SYN3: variants seen among roughly 807,000 people sequenced by gnomAD.
SYN3 encodes synapsin III.
SYN3 carries 35 observed loss-of-function variants against 65.8 expected under a neutral mutation model. The observed-to-expected ratio is 0.53, with a 90% CI of 0.41 to 0.70. SYN3 has a LOEUF of 0.70. SYN3 is among the 30% of genes least tolerant of loss of function. The pLI is 0.00. For missense variants in SYN3, 680 were observed against 749.0 expected, an observed-to-expected ratio of 0.91 and a Z score of 1.08; for synonymous variants, 270 against 292.9, an observed-to-expected ratio of 0.92 and a Z score of 0.80.
intron 7 of SYN3, among the ~76,000 whole-genome samples, chr22:32,554,473 T>G (rs2058462456): frequency 6.6e-6 from 1 of 152,204 alleles, no homozygotes; most frequent in Admixed American, 6.5e-5. Flanking sequence ...CTCATAAGAC[T>G]AGGAACCTTC....
chr22:32,803,957 G>A (rs1291569605), intron 6 of SYN3, among the ~76,000 whole-genome samples: 1 of 152,146 alleles, frequency 6.6e-6, no homozygotes, highest in Non-Finnish European at 1.5e-5. Context: ...AGTAGATCCT[G>A]CTTCCAATGG....
intron 2 of SYN3, among the ~76,000 whole-genome samples, chr22:32,990,543 C>T (rs1601855517): frequency 6.6e-6 from 1 of 152,280 alleles, no homozygotes; most frequent in Non-Finnish European, 1.5e-5. Context: ...ACTATATTCT[C>T]AGCACTGTGC....
chr22:32,918,727 G>A (rs1333071951), intron 4 of SYN3, among the ~76,000 whole-genome samples: 1 of 152,164 alleles, frequency 6.6e-6, no homozygotes, highest in African/African-American at 2.4e-5. Flanking sequence ...CTGCAGAAAT[G>A]TTTCAGGAAG....
At chr22:32,954,383 C>G (rs917205185) in intron 3 of SYN3, among the ~76,000 whole-genome samples, 1 of 152,000 alleles carries the variant, frequency 6.6e-6, no homozygotes, top group Non-Finnish European at 1.5e-5. Flanking sequence ...ATTTTGCTAA[C>G]TGCAATGAAT....
intron 4 of SYN3, among the ~76,000 whole-genome samples, chr22:32,906,574 T>C (rs1018239180): frequency 7.2e-5 from 11 of 152,138 alleles, no homozygotes; most frequent in Non-Finnish European, 1.2e-4. Context: ...TGTGCCATAG[T>C]GGTTTGCTGC....
At chr22:32,622,603 T>TC (rs1287746778) in intron 6 of SYN3, among the ~76,000 whole-genome samples, 2 of 151,912 alleles carry the variant, frequency 1.3e-5, no homozygotes, top group African/African-American at 4.8e-5. Flanking sequence ...CAGCCACACT[T>TC]CGGTTAACAT....
At chr22:32,829,526 C>A (rs77183587) in intron 6 of SYN3, among the ~76,000 whole-genome samples, 1,686 of 152,320 alleles carry the variant, frequency 0.011, 31 homozygotes, top group African/African-American at 0.038. Context: ...AGCCAGCATC[C>A]CCACCGCAGC....
Position 32,729,099 on chromosome 22 carries a change from G to GT in SYN3, c.712-132364dup, listed in dbSNP as rs1022099785. ...TTTTTAGTTCTGAACTCTGTCTGAA[G>GT]TTGTTTTACTCATTTATTCAGCTAT... On this transcript the variant is annotated intron_variant, in intron 6 of 13. Coordinates refer to ENST00000358763, the MANE Select transcript of SYN3 (RefSeq NM_003490.4). Among the ~76,000 whole-genome samples the GT allele has an allele frequency of 6.6e-4, 100 of 152,298 alleles. 1 individual carries two copies. Among genetic ancestry groups the GT allele is most frequent in the African/African-American group, 2.2e-3 (93 of 41,562 alleles).
chr22:32,698,222 T>G (rs959962189), intron 6 of SYN3, among the ~76,000 whole-genome samples: 1 of 152,042 alleles, frequency 6.6e-6, no homozygotes, highest in Non-Finnish European at 1.5e-5. Context: ...TCAGAAAAAA[T>G]TCACACAGTA....
In SYN3 at chr22:32,671,310, A is replaced by G. The variant is rs1050165663; in HGVS notation, c.712-74574T>C. On this transcript the variant is annotated intron_variant, in intron 6 of 13. Coordinates refer to ENST00000358763, the MANE Select transcript of SYN3 (RefSeq NM_003490.4). The stretch of plus-strand genomic sequence containing the variant: ...CATGCTCACAGACACGCACACATTC[A>G]CACACCTCCTGTCACATACACACAC... Among the ~76,000 whole-genome samples, 779 of 151,744 alleles carry G rather than the reference A, an allele frequency of 5.1e-3. 10 individuals are homozygous for G. The highest frequency in any genetic ancestry group is 0.017 in the African/African-American group (718 of 41,280).
intron 6 of SYN3, among the ~76,000 whole-genome samples, chr22:32,627,635 A>C (rs2059686997): frequency 6.6e-6 from 1 of 152,076 alleles, no homozygotes; most frequent in South Asian, 2.1e-4. Context: ...TAGGAGTATG[A>C]AGCTTTCATG....
At position 32,516,088 on chromosome 22, in the gene SYN3, G is replaced by A. The variant is rs189787607; in HGVS notation, c.1610+1955C>T. Reference sequence around the variant, plus strand: ...GTTGGGATTACAGGCATGAGCCATCGCATCCAGCCCAGGATTTATTATTAA... The same window carrying A: ...GTTGGGATTACAGGCATGAGCCATCACATCCAGCCCAGGATTTATTATTAA... On this transcript the variant is annotated intron_variant, in intron 13 of 13. Transcript: ENST00000358763. 5.0e-3 allele frequency among the ~76,000 whole-genome samples: 759 copies of A among 151,924 alleles called. 3 individuals are homozygous for A. The highest frequency in any genetic ancestry group is 0.015 in the South Asian group (70 of 4,788).
intron 2 of SYN3, among the ~76,000 whole-genome samples, chr22:32,985,419 G>A (rs998017451): frequency 6.6e-6 from 1 of 152,178 alleles, no homozygotes; most frequent in African/African-American, 2.4e-5. Flanking sequence ...TGCAAGGAGT[G>A]ATGGCTGGTG....
chr22:32,508,982 A>C lies in SYN3; in HGVS notation c.*4710T>G, dbSNP rs1488085451. 6.6e-6 allele frequency among the ~76,000 whole-genome samples: 1 copy of C among 152,202 alleles called. No individual in the cohort carries two copies. The highest frequency in any genetic ancestry group is 2.4e-5 in the African/African-American group (1 of 41,446). On this transcript the variant is annotated 3_prime_UTR_variant, in exon 14 of 14. Coordinates refer to ENST00000358763, the MANE Select transcript of SYN3 (RefSeq NM_003490.4). ...CTTAAATTTTGGAAAGATAGAATTG[A>C]GTGTTAGTTCTATCTTGAATGTATC...
intron 8 of SYN3, among the ~76,000 whole-genome samples, chr22:32,540,576 G>A (rs147312971): frequency 6.6e-6 from 1 of 152,304 alleles, no homozygotes; most frequent in East Asian, 1.9e-4. Context: ...TCCCAAGAAC[G>A]AGACAGTCTG....
chr22:32,988,551 GCT>G (rs1180241992), intron 2 of SYN3, among the ~76,000 whole-genome samples: 1 of 152,012 alleles, frequency 6.6e-6, no homozygotes, highest in Non-Finnish European at 1.5e-5. Flanking sequence ...AACATAGCTA[GCT>G]CTTGGTCTCA....
chr22:32,692,055 TTGCAGGAAAAAGTGATGTTACTCTAGAGC>T (rs1255498845), intron 6 of SYN3, among the ~76,000 whole-genome samples: 2 of 150,178 alleles, frequency 1.3e-5, no homozygotes, highest in Admixed American at 1.3e-4. Flanking sequence ...ATTGGTAGCC[TTGCAGGAAAAAGTGATGTTACTCTAGAGC>T]TGCTGTGGTC....
intron 6 of SYN3, among the ~76,000 whole-genome samples, chr22:32,789,053 G>T (rs577226799): frequency 6.6e-6 from 1 of 152,216 alleles, no homozygotes; most frequent in Admixed American, 6.5e-5. Flanking sequence ...CCCCCCTCCA[G>T]CTGGCTCCGG....
intron 3 of SYN3, among the ~76,000 whole-genome samples, chr22:32,966,902 T>C (rs2051863159): frequency 6.6e-6 from 1 of 151,902 alleles, no homozygotes; most frequent in Non-Finnish European, 1.5e-5. Context: ...TGTGACAGAG[T>C]GAAACCTGTC....
Sources: allele counts gnomAD v4.1 joint callset (sites outside exome capture counted in the v4.1 genomes callset), GRCh38; gene constraint gnomAD v4.1.1; transcripts MANE v1.5; gene names NCBI Gene and HGNC (gene_info 2026-07-23, HGNC 2026-07-21).